Variants in GHR observed in about 807,000 individuals in gnomAD.
GHR encodes GH receptor.
GHR carries 35 observed loss-of-function variants against 67.1 expected under a neutral mutation model. That is an observed-to-expected ratio of 0.52 (90% CI 0.40 to 0.69). The LOEUF is 0.69. Among genes scored for constraint, GHR ranks in the 30% least tolerant of loss-of-function variants. The pLI is 0.00. For missense variants in GHR, 792 were observed against 764.6 expected (o/e 1.04, Z -0.42); for synonymous variants, 272 against 269.1 (o/e 1.01, Z -0.10).
At position 42,670,684 on chromosome 5, in the gene GHR, C is replaced by T. The variant is rs374502582; in HGVS notation, c.137-18206C>T. 3.3e-5 allele frequency among the ~76,000 whole-genome samples: 5 copies of T among 151,766 alleles called. No individual in the cohort carries two copies. In the East Asian group the frequency reaches 5.8e-4, roughly 18 times the overall value. ...TCAAACTACTCAATAACAAGAAAGC[C>T]AATTACCCTATTAAAATATAGGGAT... On this transcript the variant is annotated intron_variant, in intron 3 of 9. Coordinates refer to ENST00000230882, the MANE Select transcript of GHR (RefSeq NM_000163.5).
At chr5:42,691,157 T>A (rs1211684224) in intron 4 of GHR, among the ~76,000 whole-genome samples, 1 of 152,182 alleles carries the variant, frequency 6.6e-6, no homozygotes, top group Non-Finnish European at 1.5e-5. Context: ...CTACCAAGGA[T>A]GCTGCTGAAA....
chr5:42,450,333 T>A (rs1296861674), intron 1 of GHR, among the ~76,000 whole-genome samples: 2 of 152,224 alleles, frequency 1.3e-5, no homozygotes, highest in Non-Finnish European at 2.9e-5. Context: ...GAGTTCCTGT[T>A]TCTTCCTGAT....
chr5:42,544,528 A>T (rs1015048349), intron 1 of GHR, among the ~76,000 whole-genome samples: 1 of 152,164 alleles, frequency 6.6e-6, no homozygotes, highest in African/African-American at 2.4e-5. Context: ...TGAATCAACC[A>T]TTAGGCAAAT....
chr5:42,556,599 G>T (rs1749321761), intron 1 of GHR, among the ~76,000 whole-genome samples: 1 of 152,136 alleles, frequency 6.6e-6, no homozygotes, highest in Non-Finnish European at 1.5e-5. Context: ...ACTTGGTAGG[G>T]ACAATGGTGT....
At chr5:42,583,562 G>A (rs1323877363) in intron 2 of GHR, among the ~76,000 whole-genome samples, 1 of 152,176 alleles carries the variant, frequency 6.6e-6, no homozygotes, top group Non-Finnish European at 1.5e-5. Flanking sequence ...CCAGCATGAT[G>A]TCTACAGACT....
At chr5:42,529,107 G>A (rs896224357) in intron 1 of GHR, among the ~76,000 whole-genome samples, 2 of 151,358 alleles carry the variant, frequency 1.3e-5, no homozygotes, top group Non-Finnish European at 2.9e-5. Flanking sequence ...TGCCTCCCGG[G>A]TTCACGCCAT....
At chr5:42,718,259 T>A in intron 9 of GHR, 138 bp downstream of exon 9, 1 of 718,554 alleles carries the variant, frequency 1.4e-6, no homozygotes. Context: ...AAAATTTTTT[T>A]AAATATTCTA....
At chr5:42,614,345 T>C (rs1181378809) in intron 2 of GHR, among the ~76,000 whole-genome samples, 1 of 151,690 alleles carries the variant, frequency 6.6e-6, no homozygotes. Context: ...GTTTGAGAAG[T>C]AGAAAAGGAA....
At chr5:42,528,602 T>G (rs1333161143) in intron 1 of GHR, among the ~76,000 whole-genome samples, 2 of 152,152 alleles carry the variant, frequency 1.3e-5, no homozygotes, top group Non-Finnish European at 2.9e-5. Context: ...GGCAAAAGAT[T>G]TAGAATATGA....
intron 3 of GHR, among the ~76,000 whole-genome samples, chr5:42,632,230 T>C (rs1753961102): frequency 6.6e-6 from 1 of 152,204 alleles, no homozygotes; most frequent in Admixed American, 6.5e-5. Context: ...TCTGGTACAC[T>C]GCTCATGTCA....
At chr5:42,698,163 T>C (rs1757767377) in intron 5 of GHR, among the ~76,000 whole-genome samples, 2 of 152,152 alleles carry the variant, frequency 1.3e-5, no homozygotes, top group Non-Finnish European at 2.9e-5. Context: ...TTTAAATATC[T>C]CACAGGAGTT....
At chr5:42,598,519 T>C (rs762549253) in intron 2 of GHR, among the ~76,000 whole-genome samples, 7 of 152,326 alleles carry the variant, frequency 4.6e-5, no homozygotes, top group Non-Finnish European at 8.8e-5. Flanking sequence ...GTCCTCAACA[T>C]GTTCTTAAAA....
At chr5:42,648,191 A>C (rs1303037676) in intron 3 of GHR, among the ~76,000 whole-genome samples, 1 of 152,140 alleles carries the variant, frequency 6.6e-6, no homozygotes, top group Non-Finnish European at 1.5e-5. Context: ...TTACACCCTA[A>C]CCATCACATG....
intron 1 of GHR, among the ~76,000 whole-genome samples, chr5:42,502,882 A>G (rs1746599910): frequency 6.6e-6 from 1 of 150,782 alleles, no homozygotes; most frequent in East Asian, 1.9e-4. Context: ...TGTATAATTT[A>G]TGTTTTCTCC....
chr5:42,712,502 G>T (rs949264814), intron 7 of GHR, among the ~76,000 whole-genome samples: 1 of 152,020 alleles, frequency 6.6e-6, no homozygotes, highest in Non-Finnish European at 1.5e-5. Flanking sequence ...GACAAAAAAT[G>T]ATTTTTTCTC....
intron 1 of GHR, among the ~76,000 whole-genome samples, chr5:42,441,160 C>G (rs1427057964): frequency 6.6e-6 from 1 of 152,042 alleles, no homozygotes; most frequent in East Asian, 1.9e-4. Context: ...CATGAGAACT[C>G]CAACATTTAA....
Position 42,597,154 on chromosome 5 carries a change from C to T in GHR, c.70+31210C>T, listed in dbSNP as rs193283635. On this transcript the variant is annotated intron_variant, in intron 2 of 9. Transcript: ENST00000230882. The stretch of plus-strand genomic sequence containing the variant: ...GTGCCCATGGTGTAAATACTCCCAA[C>T]ATGACCAACTTTAAGTTACCAATGT... Among the ~76,000 whole-genome samples the T allele has an allele frequency of 2.0e-5, 3 of 152,248 alleles. No individual in the cohort carries two copies. In the East Asian group the frequency reaches 5.8e-4, roughly 29 times the overall value.
At chr5:42,535,173 A>G (rs1186836176) in intron 1 of GHR, among the ~76,000 whole-genome samples, 2 of 151,926 alleles carry the variant, frequency 1.3e-5, no homozygotes, top group African/African-American at 4.8e-5. Context: ...AGTCCCAACT[A>G]TTTATCTTTT....
rs888301895 is a variant in GHR at position 42,699,829 on chromosome 5, C to T, written c.445C>T (p.Pro149Ser). ...TGCTCTGTTGAATTGCACAGTGCAA[C>T]CAGATCCACCCATTGCCCTCAACTG... ...KCFSVDEIVQ[P>S]DPPIALNWTL... Residue 149 changes from proline (P) to serine (S), a missense_variant, in exon 6 of 10, where the codon CCA becomes TCA. Physicochemically the swap from Pro to Ser is moderately conservative, Grantham distance 74. Transcript: ENST00000230882. 4.4e-6 allele frequency: 7 copies of T among 1,605,044 alleles called. No individual in the cohort carries two copies. Among genetic ancestry groups the T allele is most frequent in the Non-Finnish European group, 6.0e-6 (7 of 1,171,918 alleles).
Sources: allele counts gnomAD v4.1 joint callset (sites outside exome capture counted in the v4.1 genomes callset), GRCh38; gene constraint gnomAD v4.1.1; transcripts MANE v1.5; gene names NCBI Gene and HGNC (gene_info 2026-07-23, HGNC 2026-07-21).